Variants in TEKT5 observed in about 807,000 individuals in gnomAD.
TEKT5 encodes tektin 5.
TEKT5 carries 52 observed loss-of-function variants against 48.7 expected under a neutral mutation model. The ratio of observed to expected loss-of-function variants is 1.07; its 90% CI spans 0.86 to 1.35. TEKT5 has a LOEUF of 1.35. Ranked by LOEUF, TEKT5 falls within the 40% of genes most tolerant of loss-of-function variation. The pLI is 0.00. For missense variants in TEKT5, 831 were observed against 641.6 expected (o/e 1.30, Z -3.19); for synonymous variants, 318 against 267.6 (o/e 1.19, Z -1.84).
At chr16:10,663,703 T>G (rs557470917) in intron 5 of TEKT5, among the ~76,000 whole-genome samples, 63 of 152,294 alleles carry the variant, frequency 4.1e-4, no homozygotes, top group African/African-American at 1.5e-3. Flanking sequence ...TCCTGTGCAT[T>G]GGGGGCTGTT....
intron 5 of TEKT5, among the ~76,000 whole-genome samples, chr16:10,671,073 C>T (rs180881210): frequency 1.3e-3 from 202 of 152,184 alleles, no homozygotes; most frequent in African/African-American, 4.7e-3. Context: ...TCAAAAGATC[C>T]TTTCTCTCTC....
At chr16:10,668,240 G>C (rs1302490969) in intron 5 of TEKT5, among the ~76,000 whole-genome samples, 1 of 152,186 alleles carries the variant, frequency 6.6e-6, no homozygotes, top group African/African-American at 2.4e-5. Flanking sequence ...CTAAGCCTGA[G>C]GCCTGATGCC....
Position 10,672,098 on chromosome 16 carries a change from C to A in TEKT5, c.1086+3861G>T, listed in dbSNP as rs143460980. On this transcript the variant is annotated intron_variant, in intron 5 of 6. Coordinates refer to ENST00000283025, the MANE Select transcript of TEKT5 (RefSeq NM_144674.2). ...TGGAGATGGATTGTGGTGATGGATGCACAATGTATGAATGTACTTAATGCC... is the reference window on the plus strand; with the variant it reads ...TGGAGATGGATTGTGGTGATGGATGAACAATGTATGAATGTACTTAATGCC... Among the ~76,000 whole-genome samples, 785 of 152,062 alleles carry A rather than the reference C, an allele frequency of 5.2e-3. 2 individuals carry two copies. Among genetic ancestry groups the A allele is most frequent in the Non-Finnish European group, 5.5e-3 (371 of 68,014 alleles).
intron 5 of TEKT5, among the ~76,000 whole-genome samples, chr16:10,659,674 A>G (rs1898328810): frequency 6.6e-6 from 1 of 152,330 alleles, no homozygotes; most frequent in East Asian, 1.9e-4. Context: ...CCTCACTTTA[A>G]AAAAAGTTTT....
At chr16:10,673,650 T>C (rs1339170862) in intron 5 of TEKT5, among the ~76,000 whole-genome samples, 2 of 81,410 alleles carry the variant, frequency 2.5e-5, no homozygotes, top group Admixed American at 3.8e-4. Flanking sequence ...CATTCTATTT[T>C]TTTTTTTTTT....
intron 5 of TEKT5, among the ~76,000 whole-genome samples, chr16:10,653,057 C>T (rs1039942630): frequency 5.9e-5 from 9 of 152,340 alleles, no homozygotes; most frequent in African/African-American, 2.2e-4. Context: ...CACTGCAGGT[C>T]CCCTCCCCAG....
At chr16:10,646,069 G>A (rs1352692900) in intron 5 of TEKT5, among the ~76,000 whole-genome samples, 2 of 151,572 alleles carry the variant, frequency 1.3e-5, no homozygotes, top group African/African-American at 2.4e-5. Context: ...GGTCGAGGTC[G>A]CACTCAGCTA....
At position 10,656,074 on chromosome 16, in the gene TEKT5, G is replaced by C. The variant is rs376814266; in HGVS notation, c.1086+19885C>G. On this transcript the variant is annotated intron_variant, in intron 5 of 6. Transcript: ENST00000283025. ...TTTGATAGACTCTTTGATAAAATTT[G>C]TGGAGGAGACCGTCCTGTGCATTGA... 2.0e-5 allele frequency among the ~76,000 whole-genome samples: 3 copies of C among 152,130 alleles called. No homozygotes were observed. The East Asian group carries it at 5.8e-4, about 29-fold the overall frequency.
intron 3 of TEKT5, among the ~76,000 whole-genome samples, chr16:10,683,106 C>T (rs1036838330): frequency 6.6e-6 from 1 of 150,890 alleles, no homozygotes; most frequent in Non-Finnish European, 1.5e-5. Context: ...AAACCATTAA[C>T]TGAGGGTGAG....
chr16:10,676,128 G>C lies in TEKT5; in HGVS notation c.917C>G (p.Ser306Cys), dbSNP rs1898641333. 3 of 1,614,104 alleles carry C rather than the reference G, an allele frequency of 1.9e-6. No homozygotes were observed. The highest frequency in any genetic ancestry group is 1.3e-5 in the African/African-American group (1 of 74,940). The stretch of plus-strand genomic sequence containing the variant: ...GATGGAGTTGGCCCGCATGTTCTGA[G>C]AGTGTTTGATGTTGTCGTTACTGAA... The part of the protein sequence containing the change: ...AKFSNDNIKH[S>C]QNMRANSIQL... Residue 306 changes from serine (S) to cysteine (C), a missense_variant, in exon 5 of 7, where the codon TCT becomes TGT. Transcript: ENST00000283025.
intron 6 of TEKT5, among the ~76,000 whole-genome samples, chr16:10,630,098 G>C (rs1023347150): frequency 1.3e-5 from 2 of 151,874 alleles, no homozygotes; most frequent in Admixed American, 6.6e-5. Context: ...ACTGCACTAG[G>C]CTAATTTTAA....
In TEKT5 at chr16:10,694,362, G is replaced by A. The variant is rs141349037; in HGVS notation, c.512C>T (p.Thr171Met). The A allele has an allele frequency of 7.6e-4, 1,226 of 1,613,318 alleles. 4 individuals are homozygous for A. Among genetic ancestry groups the A allele is most frequent in the Middle Eastern group, 1.5e-3 (9 of 6,058 alleles). The change falls in exon 1 of 7, where the codon ACG (threonine) becomes ATG (methionine). Residue 171 changes from threonine to methionine, a missense_variant. Thr to Met is a moderately conservative substitution (Grantham distance 81, BLOSUM62 -1). Transcript: ENST00000283025. ...CGCGCACTCCAGCCGCCTCTTGACC[G>A]TCTCCAAGTTCTGGTTCTCAGTCAG... ...RLLTENQNLE[T>M]VKRRLECAAN... is the part of the protein sequence containing the mutation.
At chr16:10,660,169 C>T (rs1898338364) in intron 5 of TEKT5, among the ~76,000 whole-genome samples, 1 of 152,114 alleles carries the variant, frequency 6.6e-6, no homozygotes, top group Non-Finnish European at 1.5e-5. Flanking sequence ...TTTAACATCC[C>T]CCACCCTAGC....
intron 6 of TEKT5, among the ~76,000 whole-genome samples, chr16:10,632,869 G>GACACACACACACACACACACACAC (rs35503579): frequency 9.1e-5 from 12 of 131,642 alleles, no homozygotes; most frequent in African/African-American, 3.1e-4. Flanking sequence ...CACAGATGCA[G>GACACACACACACACACACACACAC]ACACACACAC....
rs562135946 is a variant in TEKT5 at position 10,643,181 on chromosome 16, G to A, written c.1087-7263C>T. Among the ~76,000 whole-genome samples, 3 of 151,804 alleles carry A rather than the reference G, an allele frequency of 2.0e-5. No homozygotes were observed. The South Asian group carries it at 6.2e-4, about 32-fold the overall frequency. On this transcript the variant is annotated intron_variant, in intron 5 of 6. Coordinates refer to ENST00000283025, the MANE Select transcript of TEKT5 (RefSeq NM_144674.2). ...GAATCACTTGACGCCAGGAGTTTGA[G>A]ACCAGCCTGGGCAACACAGTGAGAC...
intron 1 of TEKT5, chr16:10,692,602 A>G (rs1596424661): frequency 6.6e-6 from 1 of 152,184 alleles, no homozygotes; most frequent in East Asian, 1.9e-4. Context: ...ACTTATCCAG[A>G]CCCCTTTGCA....
At chr16:10,687,598 C>T (rs561495311) in intron 3 of TEKT5, among the ~76,000 whole-genome samples, 3 of 152,146 alleles carry the variant, frequency 2.0e-5, no homozygotes, top group Non-Finnish European at 2.9e-5. Flanking sequence ...ACTAAAAATA[C>T]ATAAAATAGC....
intron 5 of TEKT5, among the ~76,000 whole-genome samples, chr16:10,656,746 T>C (rs964398187): frequency 6.6e-6 from 1 of 152,200 alleles, no homozygotes; most frequent in Non-Finnish European, 1.5e-5. Context: ...AAACTACTTT[T>C]TGTTTTGTTT....
chr16:10,649,871 G>C (rs1378835715), intron 5 of TEKT5, among the ~76,000 whole-genome samples: 1 of 152,162 alleles, frequency 6.6e-6, no homozygotes, highest in Non-Finnish European at 1.5e-5. Flanking sequence ...AGGTGAGAGA[G>C]AATTGAAGCA....
Sources: gnomAD v4.1 joint callset for allele counts (sites outside exome capture counted in the v4.1 genomes callset) on GRCh38, gnomAD v4.1.1 for gene constraint, MANE v1.5 for transcripts, NCBI Gene and HGNC (gene_info 2026-07-23, HGNC 2026-07-21) for gene names.